The following HCK variants were observed in gnomAD, a reference collection of about 807,000 sequenced individuals.
The protein encoded by HCK is tyrosine-protein kinase HCK.
Under a neutral mutation model 70.4 loss-of-function variants are expected in HCK, and 40 were observed. The observed-to-expected ratio is 0.57, with a 90% CI of 0.44 to 0.74. The LOEUF (loss-of-function observed/expected upper bound fraction) is 0.74, where lower values mean the gene tolerates loss of function less well. Ranked by LOEUF, HCK falls within the 30% of genes least tolerant of loss-of-function variation. The probability of loss-of-function intolerance (pLI) is 0.00; values close to 1 mark genes in which losing one functional copy is unlikely to be tolerated. For missense variants in HCK, 568 were observed against 697.2 expected, an observed-to-expected ratio of 0.81 and a Z score of 2.09; for synonymous variants, 245 against 263.2, an observed-to-expected ratio of 0.93 and a Z score of 0.67.
At chr20:32,067,945 A>G (rs891511470) in intron 1 of HCK, among the ~76,000 whole-genome samples, 1 of 152,184 alleles carries the variant, frequency 6.6e-6, no homozygotes, top group Non-Finnish European at 1.5e-5. Context: ...ATACATCTTA[A>G]AATTAATTCA....
Position 32,069,848 on chromosome 20 carries a change from A to C in HCK, c.63-1814A>C, listed in dbSNP as rs553643271. 4.6e-6 allele frequency: 4 copies of C among 872,642 alleles called. No homozygotes were observed. In the Admixed American group the frequency reaches 9.9e-5, roughly 22 times the overall value. The allele number at this position is 872,642 out of a possible 1,614,324, so 54.1% of individuals were successfully genotyped here. ...GTTTTTTTCCTTAAACCACAAATAC[A>C]TGTTTATTTTAACAAGATAAGTATA... On this transcript the variant is annotated intron_variant, in intron 1 of 12. Transcript: ENST00000375852.
At chr20:32,074,762 C>T (rs2045597714) in intron 5 of HCK, 41 bp downstream of exon 5, 1 of 1,420,470 alleles carries the variant, frequency 7.0e-7, no homozygotes, top group Non-Finnish European at 1.0e-6. Context: ...GAGGCATGAG[C>T]AAAGCCAGCC....
chr20:32,053,926 C>T (rs2045223230), intron 1 of HCK, among the ~76,000 whole-genome samples: 1 of 152,036 alleles, frequency 6.6e-6, no homozygotes, highest in South Asian at 2.1e-4. Flanking sequence ...ACTGGGGTAG[C>T]CTATGCCTGG....
chr20:32,054,046 GATA>G (rs1224388284), intron 1 of HCK, among the ~76,000 whole-genome samples: 1 of 151,678 alleles, frequency 6.6e-6, no homozygotes, highest in African/African-American at 2.4e-5. Context: ...GAAAAGTGAA[GATA>G]ATAATATATT....
chr20:32,089,684 A>G (rs990804442), intron 10 of HCK, among the ~76,000 whole-genome samples: 1 of 152,146 alleles, frequency 6.6e-6, no homozygotes, highest in Non-Finnish European at 1.5e-5. Flanking sequence ...CAGTTTTTTC[A>G]CTTCTGTCCT....
At chr20:32,063,826 G>A (rs2045415002) in intron 1 of HCK, among the ~76,000 whole-genome samples, 1 of 151,420 alleles carries the variant, frequency 6.6e-6, no homozygotes, top group African/African-American at 2.4e-5. Flanking sequence ...GGAGGTTACT[G>A]GAAAATCCCT....
chr20:32,071,480 G>T (rs898490921), intron 1 of HCK, among the ~76,000 whole-genome samples, 182 bp from the exon 2 acceptor site: 1 of 152,252 alleles, frequency 6.6e-6, no homozygotes, highest in Middle Eastern at 3.2e-3. Flanking sequence ...CCCAGAGGTG[G>T]CAAGGATGGA....
At position 32,053,307 on chromosome 20, in the gene HCK, T is replaced by C. The variant is rs528253478; in HGVS notation, c.62+821T>C. 2.6e-5 allele frequency among the ~76,000 whole-genome samples: 4 copies of C among 151,998 alleles called. No individual in the cohort carries two copies. In the East Asian group the frequency reaches 7.7e-4, roughly 29 times the overall value. The stretch of plus-strand genomic sequence containing the variant: ...CACAACTGCAGGATGGGGAGAGTAA[T>C]AGTACCTCCTTCACAGGGTTGTTTA... On this transcript the variant is annotated intron_variant, in intron 1 of 12. Transcript: ENST00000375852.
intron 2 of HCK, 125 bp from the exon 3 acceptor site, chr20:32,073,194 G>T: frequency 1.3e-6 from 1 of 757,904 alleles, no homozygotes; most frequent in Non-Finnish European, 2.2e-6. Flanking sequence ...TGCCGTATGT[G>T]GGCCTCCTCC....
intron 1 of HCK, among the ~76,000 whole-genome samples, chr20:32,061,727 T>C (rs6121330): frequency 0.14 from 21,295 of 151,692 alleles, 1,892 homozygotes; most frequent in African/African-American, 0.25. Context: ...GCCCCAGAGG[T>C]ATAAGCACAG....
At chr20:32,054,239 A>T (rs929498738) in intron 1 of HCK, 4 of 456,378 alleles carry the variant, frequency 8.8e-6, no homozygotes, top group Non-Finnish European at 1.8e-5. Flanking sequence ...CATGAGTTAC[A>T]GTCCTTCCAG....
At chr20:32,068,278 A>G (rs1235719023) in intron 1 of HCK, among the ~76,000 whole-genome samples, 1 of 152,140 alleles carries the variant, frequency 6.6e-6, no homozygotes, top group African/African-American at 2.4e-5. Flanking sequence ...AGCCTGGGCA[A>G]CAAGAGCAAA....
chr20:32,091,308 C>A (rs1026743894), intron 10 of HCK, among the ~76,000 whole-genome samples: 1 of 152,208 alleles, frequency 6.6e-6, no homozygotes, highest in Non-Finnish European at 1.5e-5. Context: ...CAGGTAAGTG[C>A]GTGGACCCCA....
At chr20:32,096,433 G>A (rs1259924682) in intron 11 of HCK, among the ~76,000 whole-genome samples, 2 of 150,626 alleles carry the variant, frequency 1.3e-5, no homozygotes, top group East Asian at 4.0e-4. Context: ...GGAGGCAGAG[G>A]TTGCAGCAAT....
rs529274774 is a variant in HCK at position 32,054,475 on chromosome 20, TAAAAAAAAAAAAAAAAAAAAA to T, written c.62+2018_62+2038del. On this transcript the variant is annotated intron_variant, in intron 1 of 12. Transcript: ENST00000375852. ...TGGACAACAAAAGCGAAACTCCACC[TAAAAAAAAAAAAAAAAAAAAA>T]AAAAAAAAAAAAAAAAAAAAAAAAA... Among the ~76,000 whole-genome samples, 68 of 15,864 alleles carry T rather than the reference TAAAAAAAAAAAAAAAAAAAAA, an allele frequency of 4.3e-3. 1 individual carries two copies. Among genetic ancestry groups the T allele is most frequent in the African/African-American group, 9.7e-3 (51 of 5,276 alleles). The allele number at this position is 15,864 out of a possible 152,430, so 10.4% of individuals were successfully genotyped here.
chr20:32,080,517 A>G (rs1422938435), intron 6 of HCK, among the ~76,000 whole-genome samples: 2 of 151,704 alleles, frequency 1.3e-5, no homozygotes, highest in African/African-American at 4.8e-5. Flanking sequence ...TGTTTGAGAC[A>G]GGGTCTCACT....
At chr20:32,090,489 C>G (rs1194831457) in intron 10 of HCK, among the ~76,000 whole-genome samples, 1 of 152,202 alleles carries the variant, frequency 6.6e-6, no homozygotes, top group Non-Finnish European at 1.5e-5. Context: ...TATATACAAA[C>G]AGGTCAAAAC....
chr20:32,090,525 G>T (rs1019733866), intron 10 of HCK, among the ~76,000 whole-genome samples: 30 of 152,158 alleles, frequency 2.0e-4, no homozygotes, highest in African/African-American at 7.0e-4. Flanking sequence ...GAAGCAGGGT[G>T]GGGGGCTTAT....
chr20:32,060,465 C>A (rs1307125284), intron 1 of HCK, among the ~76,000 whole-genome samples: 1 of 152,070 alleles, frequency 6.6e-6, no homozygotes, highest in African/African-American at 2.4e-5. Context: ...AGGTGATCCG[C>A]CTGCTGACCT....
Sources: allele counts gnomAD v4.1 joint callset (sites outside exome capture counted in the v4.1 genomes callset), GRCh38; gene constraint gnomAD v4.1.1; transcripts MANE v1.5; gene names NCBI Gene and HGNC (gene_info 2026-07-23, HGNC 2026-07-21).